ITGA9: variants seen among roughly 807,000 people sequenced by gnomAD.
ITGA9 encodes the protein integrin alpha-9.
In ITGA9, 56 loss-of-function variants were observed where a neutral mutation model predicts 127.8. That is an observed-to-expected ratio of 0.44 (90% CI 0.35 to 0.55). The LOEUF (loss-of-function observed/expected upper bound fraction) is 0.55. Ranked by LOEUF, ITGA9 falls within the 20% of genes least tolerant of loss-of-function variation. The probability of loss-of-function intolerance (pLI) is 0.00; values close to 1 mark genes in which losing one functional copy is unlikely to be tolerated. For synonymous variants in ITGA9, 508 were observed against 514.5 expected (o/e 0.99, Z 0.17); for missense variants, 1,196 against 1,347.1 (o/e 0.89, Z 1.76).
rs1321241529 is a variant in ITGA9 at position 37,526,199 on chromosome 3, C to G, written c.1373+128C>G. ...TGGAGGTGCTTAGTAAGTGGAAATG[C>G]TACCTTATTTTCTCATTCTAATTAT... is the stretch of plus-strand genomic sequence containing the variant. On this transcript the variant is annotated intron_variant, in intron 13 of 27. Transcript: ENST00000264741. 3.7e-6 allele frequency: 3 copies of G among 814,464 alleles called. No individual in the cohort carries two copies. In the African/African-American group the frequency reaches 5.1e-5, roughly 14 times the overall value. 50.5% of individuals were successfully genotyped at this position (814,464 alleles called of 1,614,324 possible).
In ITGA9 at chr3:37,518,771, C is replaced by CTTTTTTTTTTTTT. The variant is rs543297344; in HGVS notation, c.1142-470_1142-458dup. Reference sequence around the variant, plus strand: ...GTCAGCTTCTATAGTTTTCACTGTACTTTTTTTTTTTTTTTTTTTTTTTTT... The same window carrying CTTTTTTTTTTTTT: ...GTCAGCTTCTATAGTTTTCACTGTACTTTTTTTTTTTTTTTTTTTTTTTTTTTTTTTTTTTTTT... On this transcript the variant is annotated intron_variant, in intron 10 of 27. Transcript: ENST00000264741. 4.8e-4 allele frequency among the ~76,000 whole-genome samples: 21 copies of CTTTTTTTTTTTTT among 43,514 alleles called. 5 individuals carry two copies. Among genetic ancestry groups the CTTTTTTTTTTTTT allele is most frequent in the African/African-American group, 1.4e-3 (15 of 10,722 alleles). The allele number at this position is 43,514 out of a possible 152,430, so 28.5% of individuals were successfully genotyped here.
rs186611682 is a variant in ITGA9 at position 37,567,715 on chromosome 3, C to A, written c.1689+25130C>A. ...GCCCCCATGCAAGTCCAAAACCCAG[C>A]GGGGAAGTCAAATCTTAAAGCTCCA... On this transcript the variant is annotated intron_variant, in intron 15 of 27. Coordinates refer to ENST00000264741, the MANE Select transcript of ITGA9 (RefSeq NM_002207.3). Among the ~76,000 whole-genome samples the A allele has an allele frequency of 3.8e-3, 573 of 152,268 alleles. 8 individuals are homozygous for A. Among genetic ancestry groups the A allele is most frequent in the African/African-American group, 0.013 (549 of 41,536 alleles).
chr3:37,463,977 A>G (rs1234897105), intron 1 of ITGA9, among the ~76,000 whole-genome samples: 2 of 152,202 alleles, frequency 1.3e-5, no homozygotes. Context: ...AAAGGAAAAC[A>G]AAGGCTTTTA....
intron 26 of ITGA9, among the ~76,000 whole-genome samples, chr3:37,792,356 C>T (rs2844405): frequency 2.6e-5 from 4 of 152,068 alleles, no homozygotes; most frequent in African/African-American, 7.2e-5. Context: ...TCAGCAAGGA[C>T]GCAAACAAGA....
intron 27 of ITGA9, among the ~76,000 whole-genome samples, chr3:37,810,438 CAG>C (rs1452033656): frequency 1.3e-5 from 2 of 150,340 alleles, no homozygotes; most frequent in Admixed American, 6.6e-5. Flanking sequence ...TTTTTTTTGA[CAG>C]AGTCTCACTC....
chr3:37,784,842 A>C, intron 25 of ITGA9, 135 bp from the exon 26 acceptor site: 2 of 709,898 alleles, frequency 2.8e-6, no homozygotes, highest in African/African-American at 1.7e-5. Flanking sequence ...TGGGATGGAG[A>C]GGTATCTAGT....
intron 18 of ITGA9, among the ~76,000 whole-genome samples, chr3:37,719,646 A>G (rs978140818): frequency 6.6e-6 from 1 of 152,056 alleles, no homozygotes; most frequent in African/African-American, 2.4e-5. Context: ...AGTGTGCTGC[A>G]CCCGAGTCAG....
chr3:37,743,825 A>G (rs1164038442), intron 21 of ITGA9, 101 bp from the exon 22 acceptor site: 2 of 848,820 alleles, frequency 2.4e-6, no homozygotes, highest in East Asian at 2.4e-5. Context: ...GGTGCAAGAC[A>G]CTGGATTAAA....
At chr3:37,811,294 T>C (rs541917858) in intron 27 of ITGA9, among the ~76,000 whole-genome samples, 1 of 152,312 alleles carries the variant, frequency 6.6e-6, no homozygotes, top group South Asian at 2.1e-4. Flanking sequence ...AGCTCCTGAC[T>C]GGGTTGGAAG....
chr3:37,763,370 G>C (rs2125543790), intron 23 of ITGA9, among the ~76,000 whole-genome samples: 1 of 152,242 alleles, frequency 6.6e-6, no homozygotes, highest in East Asian at 1.9e-4. Context: ...TGGAGTCCTT[G>C]CCAAGTCTAT....
intron 7 of ITGA9, 136 bp downstream of exon 7, chr3:37,506,221 C>T: frequency 1.4e-6 from 1 of 718,662 alleles, no homozygotes; most frequent in South Asian, 1.5e-5. Context: ...TGAGGAACCC[C>T]CTGACTGCCC....
rs1217000093 is a variant in ITGA9, at chr3:37,777,526, T to C, written c.2667+9T>C. On this transcript the variant is annotated intron_variant, in intron 24 of 27. Coordinates refer to ENST00000264741, the MANE Select transcript of ITGA9 (RefSeq NM_002207.3). ...CTGGAAGAAAAGTCTTGGTAAGGAT[T>C]TGTTTAGTGGTTGGGGTAACACGGG... is the stretch of plus-strand genomic sequence containing the variant. 1.9e-6 allele frequency: 3 copies of C among 1,614,078 alleles called. No individual in the cohort carries two copies. The highest frequency in any genetic ancestry group is 4.5e-5 in the East Asian group (2 of 44,882).
chr3:37,771,679 C>T (rs1314958888), intron 23 of ITGA9, among the ~76,000 whole-genome samples: 1 of 152,214 alleles, frequency 6.6e-6, no homozygotes, highest in South Asian at 2.1e-4. Context: ...TGCATGATCT[C>T]GCAGCTGCCT....
At chr3:37,754,336 G>A (rs1386231800) in intron 23 of ITGA9, among the ~76,000 whole-genome samples, 1 of 152,202 alleles carries the variant, frequency 6.6e-6, no homozygotes, top group Admixed American at 6.5e-5. Flanking sequence ...GGAGGAGAAG[G>A]CTTTGGGATT....
intron 1 of ITGA9, among the ~76,000 whole-genome samples, chr3:37,460,257 A>G (rs1698302250): frequency 6.6e-6 from 1 of 152,250 alleles, no homozygotes; most frequent in Non-Finnish European, 1.5e-5. Context: ...CTTCTGCACC[A>G]GTGACCAACA....
At chr3:37,523,367 T>C (rs1341611807) in intron 11 of ITGA9, among the ~76,000 whole-genome samples, 154 bp from the exon 12 acceptor site, 1 of 152,162 alleles carries the variant, frequency 6.6e-6, no homozygotes, top group Admixed American at 6.5e-5. Flanking sequence ...AACTGCCTGC[T>C]AAAGACTTGC....
chr3:37,469,694 G>T (rs1401520365), intron 1 of ITGA9, among the ~76,000 whole-genome samples: 2 of 151,910 alleles, frequency 1.3e-5, no homozygotes, highest in Non-Finnish European at 2.9e-5. Context: ...GTATGCTATT[G>T]TATCTGGCAT....
intron 15 of ITGA9, among the ~76,000 whole-genome samples, chr3:37,616,808 G>A (rs1403758585): frequency 2.0e-5 from 3 of 151,630 alleles, no homozygotes; most frequent in Non-Finnish European, 2.9e-5. Context: ...TTTGTTTTCC[G>A]TTTGCTTGGT....
At chr3:37,479,995 A>G in intron 3 of ITGA9, among the ~76,000 whole-genome samples, 1 of 152,154 alleles carries the variant, frequency 6.6e-6, no homozygotes, top group East Asian at 1.9e-4. Context: ...TTAAAAACTG[A>G]TTATTTTCAA....
Sources: gnomAD v4.1 joint callset for allele counts (sites outside exome capture counted in the v4.1 genomes callset) on GRCh38, gnomAD v4.1.1 for gene constraint, MANE v1.5 for transcripts, NCBI Gene and HGNC (gene_info 2026-07-23, HGNC 2026-07-21) for gene names.